Variants in FCHSD2 observed in about 807,000 individuals in gnomAD.
The protein encoded by FCHSD2 is FCH and double SH3 domains 2.
In FCHSD2, 38 loss-of-function variants were observed where a neutral mutation model predicts 108.1. The ratio of observed to expected loss-of-function variants is 0.35; its 90% confidence interval spans 0.27 to 0.46. The LOEUF (loss-of-function observed/expected upper bound fraction) is 0.46, where lower values mean the gene tolerates loss of function less well. Among genes scored for constraint, FCHSD2 ranks in the 20% least tolerant of loss-of-function variants. The pLI is 1.00. For missense variants in FCHSD2, 751 were observed against 897.8 expected, an observed-to-expected ratio of 0.84 and a Z score of 2.09; for synonymous variants, 279 against 314.7, an observed-to-expected ratio of 0.89 and a Z score of 1.20.
At chr11:73,124,883 G>A (rs892299848) in intron 2 of FCHSD2, among the ~76,000 whole-genome samples, 1 of 152,032 alleles carries the variant, frequency 6.6e-6, no homozygotes, top group South Asian at 2.1e-4. Flanking sequence ...TCAAACTGTA[G>A]GAAACCAAAG....
chr11:73,088,472 C>T (rs1250479921), intron 2 of FCHSD2, among the ~76,000 whole-genome samples: 6 of 151,476 alleles, frequency 4.0e-5, no homozygotes, highest in Admixed American at 1.3e-4. Flanking sequence ...TGTGTGTGTG[C>T]GTTTGTGTGT....
intron 3 of FCHSD2, among the ~76,000 whole-genome samples, chr11:73,020,671 TA>T (rs1858079586): frequency 6.6e-6 from 1 of 152,042 alleles, no homozygotes; most frequent in South Asian, 2.1e-4. Context: ...TATGTAAGAT[TA>T]AAAAAACAGT....
At position 72,841,325 on chromosome 11, in the gene FCHSD2, C is replaced by CA; in HGVS notation, c.2056+128dup. 3.2e-6 allele frequency: 3 copies of CA among 931,814 alleles called. No homozygotes were observed. In the East Asian group the frequency reaches 8.9e-5, roughly 28 times the overall value. The allele number at this position is 931,814 out of a possible 1,614,324, so 57.7% of individuals were successfully genotyped here. On this transcript the variant is annotated intron_variant, in intron 18 of 19. Coordinates refer to ENST00000409418, the MANE Select transcript of FCHSD2 (RefSeq NM_014824.3). ...CAGCCTGGGTGTCCAGCCCAGGTGA[C>CA]AGAGACTCTGTCTCCAAAAAAAAAA...
At chr11:72,925,688 T>C (rs952426612) in intron 8 of FCHSD2, among the ~76,000 whole-genome samples, 1 of 152,178 alleles carries the variant, frequency 6.6e-6, no homozygotes, top group Non-Finnish European at 1.5e-5. Context: ...TAGACACGAT[T>C]ATCGAAATGG....
At position 73,015,835 on chromosome 11, in the gene FCHSD2, T is replaced by C. The variant is rs1857959422; in HGVS notation, c.216A>G (p.Val72=). ...SQYLKRDWPG[V]KADDRNDYRS... ...TGTAATCATTCCGATCATCAGCTTT[T>C]ACTCCAGGCCAATCTCTCTTCAGGT... The change falls in exon 4 of 20, where the codon GTA becomes GTG. Residue 72 remains valine, a synonymous_variant. Coordinates refer to ENST00000409418, the MANE Select transcript of FCHSD2 (RefSeq NM_014824.3). 3.7e-6 allele frequency: 6 copies of C among 1,606,544 alleles called. No homozygotes were observed. The African/African-American group carries it at 5.3e-5, about 14-fold the overall frequency.
At chr11:72,875,919 A>G (rs1854959520) in intron 12 of FCHSD2, among the ~76,000 whole-genome samples, 1 of 152,208 alleles carries the variant, frequency 6.6e-6, no homozygotes, top group African/African-American at 2.4e-5. Context: ...TGCTGATGAA[A>G]GACCACATGG....
intron 12 of FCHSD2, among the ~76,000 whole-genome samples, chr11:72,884,854 C>T (rs1028068887): frequency 6.6e-6 from 1 of 152,062 alleles, no homozygotes; most frequent in Admixed American, 6.6e-5. Flanking sequence ...CTCAGTCTTC[C>T]AAAGTGATAG....
intron 8 of FCHSD2, among the ~76,000 whole-genome samples, chr11:72,926,402 G>C (rs1392337761): frequency 1.3e-5 from 2 of 152,120 alleles, no homozygotes; most frequent in African/African-American, 4.8e-5. Flanking sequence ...GCAGAGAGGA[G>C]TATTCTCTCT....
At chr11:73,040,853 A>G (rs1858618450) in intron 3 of FCHSD2, among the ~76,000 whole-genome samples, 1 of 152,166 alleles carries the variant, frequency 6.6e-6, no homozygotes, top group South Asian at 2.1e-4. Flanking sequence ...TGTACCCATT[A>G]ACCAATCTTC....
chr11:72,963,059 C>T (rs1856845503), intron 8 of FCHSD2, among the ~76,000 whole-genome samples: 1 of 152,106 alleles, frequency 6.6e-6, no homozygotes, highest in Non-Finnish European at 1.5e-5. Context: ...ATAATAGCAC[C>T]TACTACAGAG....
At chr11:72,949,459 GAAAGA>G (rs1226751052) in intron 8 of FCHSD2, among the ~76,000 whole-genome samples, 63 of 150,580 alleles carry the variant, frequency 4.2e-4, no homozygotes, top group African/African-American at 1.3e-3. Context: ...CTCAAAGAAA[GAAAGA>G]AAAGAAAAGA....
chr11:72,949,014 C>A (rs1292380563), intron 8 of FCHSD2, among the ~76,000 whole-genome samples: 1 of 152,090 alleles, frequency 6.6e-6, no homozygotes, highest in African/African-American at 2.4e-5. Flanking sequence ...TTCACAGTCA[C>A]TAGTCTTATT....
intron 3 of FCHSD2, among the ~76,000 whole-genome samples, chr11:73,034,570 A>C (rs1858442755): frequency 6.6e-6 from 1 of 152,238 alleles, no homozygotes; most frequent in Non-Finnish European, 1.5e-5. Flanking sequence ...GTTAGGAACC[A>C]CATCAATAAA....
chr11:72,969,236 C>T (rs1856966841), intron 8 of FCHSD2, among the ~76,000 whole-genome samples: 1 of 152,312 alleles, frequency 6.6e-6, no homozygotes. Flanking sequence ...GACGGAGCTG[C>T]ATTCCAATGT....
At chr11:72,879,478 T>C (rs924229584) in intron 12 of FCHSD2, among the ~76,000 whole-genome samples, 1 of 152,096 alleles carries the variant, frequency 6.6e-6, no homozygotes, top group African/African-American at 2.4e-5. Context: ...GATGATGGAA[T>C]GAGTAGACAA....
intron 3 of FCHSD2, among the ~76,000 whole-genome samples, chr11:73,076,734 A>C (rs1591534701): frequency 6.6e-6 from 1 of 152,348 alleles, no homozygotes; most frequent in African/African-American, 2.4e-5. Context: ...GTAACCAGCA[A>C]GGGATAGCAG....
chr11:73,013,457 T>C (rs759898864), intron 4 of FCHSD2, among the ~76,000 whole-genome samples: 6 of 152,218 alleles, frequency 3.9e-5, no homozygotes, highest in Non-Finnish European at 8.8e-5. Flanking sequence ...ACAGACAACA[T>C]ATCTTCTAGC....
intron 3 of FCHSD2, among the ~76,000 whole-genome samples, chr11:73,059,930 C>G (rs1437785377): frequency 6.6e-6 from 1 of 152,190 alleles, no homozygotes; most frequent in South Asian, 2.1e-4. Flanking sequence ...AGAAATTCTA[C>G]CCTAAACTGT....
chr11:73,132,315 G>A (rs959064325), intron 2 of FCHSD2, among the ~76,000 whole-genome samples: 14 of 152,146 alleles, frequency 9.2e-5, no homozygotes, highest in Admixed American at 7.9e-4. Flanking sequence ...TACCATTCTT[G>A]GCATTTCACC....
Sources: allele counts gnomAD v4.1 joint callset (sites outside exome capture counted in the v4.1 genomes callset), GRCh38; gene constraint gnomAD v4.1.1; transcripts MANE v1.5; gene names NCBI Gene and HGNC (gene_info 2026-07-23, HGNC 2026-07-21).